The following KIAA0825 variants were observed in gnomAD, a reference collection of about 807,000 sequenced individuals.
The protein encoded by KIAA0825 is uncharacterized protein KIAA0825.
A neutral mutation model predicts 147.6 loss-of-function variants in KIAA0825; 119 were observed. The observed-to-expected ratio is 0.81, with a 90% confidence interval of 0.69 to 0.94. The LOEUF (loss-of-function observed/expected upper bound fraction) is 0.94, where lower values mean the gene tolerates loss of function less well. Among genes scored for constraint, KIAA0825 ranks in the 40% least tolerant of loss-of-function variants. The pLI is 0.00. For synonymous variants in KIAA0825, 470 were observed against 518.1 expected (o/e 0.91, Z 1.26); for missense variants, 1,381 against 1,472.7 (o/e 0.94, Z 1.02).
chr5:94,361,120 T>C (rs986582515), intron 20 of KIAA0825, among the ~76,000 whole-genome samples: 5 of 152,194 alleles, frequency 3.3e-5, no homozygotes, highest in Non-Finnish European at 7.3e-5. Context: ...CAAATATAAT[T>C]AAAATAACTC....
chr5:94,592,678 C>T (rs932711770), intron 1 of KIAA0825: 7 of 268,724 alleles, frequency 2.6e-5, no homozygotes, highest in Admixed American at 1.5e-4. Flanking sequence ...GCAAAATACA[C>T]GAAGGAAAAA....
At chr5:94,260,446 T>G (rs1436788151) in intron 20 of KIAA0825, among the ~76,000 whole-genome samples, 2 of 152,168 alleles carry the variant, frequency 1.3e-5, no homozygotes, top group Non-Finnish European at 1.5e-5. Context: ...AGAACAGTCT[T>G]ATATAAAATC....
chr5:94,386,818 C>T (rs7724491), intron 18 of KIAA0825, among the ~76,000 whole-genome samples: 66 of 152,286 alleles, frequency 4.3e-4, no homozygotes, highest in African/African-American at 1.4e-3. Flanking sequence ...CTACTCCTGG[C>T]TCAGCAGAGC....
chr5:94,191,837 C>T (rs990257857), intron 20 of KIAA0825, among the ~76,000 whole-genome samples: 1 of 152,182 alleles, frequency 6.6e-6, no homozygotes, highest in Non-Finnish European at 1.5e-5. Context: ...TTACCTCCAC[C>T]CCCACTGGGG....
chr5:94,559,276 G>A (rs1777130688), intron 2 of KIAA0825, among the ~76,000 whole-genome samples: 1 of 151,966 alleles, frequency 6.6e-6, no homozygotes, highest in African/African-American at 2.4e-5. Context: ...ATATTGTTTT[G>A]GAAAATGTTG....
At chr5:94,547,467 G>A (rs1584852297) in intron 2 of KIAA0825, among the ~76,000 whole-genome samples, 1 of 152,274 alleles carries the variant, frequency 6.6e-6, no homozygotes, top group East Asian at 1.9e-4. Flanking sequence ...GCTGGGCGCA[G>A]TAGCTCATGC....
chr5:94,550,224 A>G (rs1030861103), intron 2 of KIAA0825, among the ~76,000 whole-genome samples: 2 of 152,180 alleles, frequency 1.3e-5, no homozygotes, highest in Non-Finnish European at 2.9e-5. Context: ...CAGCTGGGAA[A>G]CCAATCTGTG....
At chr5:94,210,625 A>G (rs1209959463) in intron 20 of KIAA0825, among the ~76,000 whole-genome samples, 1 of 152,216 alleles carries the variant, frequency 6.6e-6, no homozygotes, top group Non-Finnish European at 1.5e-5. Flanking sequence ...TAAGAAGTAG[A>G]AGGTTACACC....
chr5:94,197,714 C>T (rs1771267665), intron 20 of KIAA0825, among the ~76,000 whole-genome samples: 1 of 152,152 alleles, frequency 6.6e-6, no homozygotes, highest in Admixed American at 6.5e-5. Context: ...ATCCCAGCAC[C>T]ACTTACTGAA....
intron 2 of KIAA0825, among the ~76,000 whole-genome samples, chr5:94,541,723 T>G (rs557461062): frequency 1.6e-4 from 24 of 152,360 alleles, no homozygotes; most frequent in Admixed American, 7.8e-4. Flanking sequence ...ATGGTCAAAC[T>G]GATTAAGATT....
intron 20 of KIAA0825, among the ~76,000 whole-genome samples, chr5:94,369,824 A>G (rs1267555015): frequency 3.3e-5 from 5 of 152,188 alleles, no homozygotes; most frequent in Non-Finnish European, 7.3e-5. Context: ...TAGGGGAAAA[A>G]GAATCAGTCT....
intron 6 of KIAA0825, among the ~76,000 whole-genome samples, chr5:94,484,337 G>C (rs574498648): frequency 1.3e-5 from 2 of 151,642 alleles, no homozygotes; most frequent in East Asian, 1.9e-4. Flanking sequence ...AGAAAACAAA[G>C]AGAAAATTAA....
intron 20 of KIAA0825, among the ~76,000 whole-genome samples, chr5:94,167,432 G>T (rs1768151464): frequency 6.6e-6 from 1 of 152,082 alleles, no homozygotes; most frequent in Non-Finnish European, 1.5e-5. Context: ...TAGTTAAATA[G>T]CAGGGGTTTT....
intron 20 of KIAA0825, among the ~76,000 whole-genome samples, chr5:94,261,357 T>TG (rs1183073238): frequency 6.6e-6 from 1 of 152,040 alleles, no homozygotes. Context: ...TAAAATAACG[T>TG]GTAATCTTTC....
chr5:94,541,892 T>C (rs375879567), intron 2 of KIAA0825, among the ~76,000 whole-genome samples: 3 of 152,226 alleles, frequency 2.0e-5, no homozygotes, highest in African/African-American at 7.2e-5. Context: ...TTTGTATAAA[T>C]ATGTTATTGG....
chr5:94,279,067 TGTAAA>T (rs1227435295), intron 20 of KIAA0825, among the ~76,000 whole-genome samples: 1 of 152,092 alleles, frequency 6.6e-6, no homozygotes, highest in Non-Finnish European at 1.5e-5. Context: ...AGGCAGGTGT[TGTAAA>T]GCACCTATAT....
rs140592318 is a variant in KIAA0825, at chr5:94,178,886, C to T, written c.3711-24762G>A. On this transcript the variant is annotated intron_variant, in intron 20 of 20. Coordinates refer to ENST00000682413, the MANE Select transcript of KIAA0825 (RefSeq NM_001145678.3). Reference sequence around the variant, plus strand: ...TTATAAGAGCTTTATTCACAATAACCAGAAATTGTAGACAATCCAGATATC... The same window carrying T: ...TTATAAGAGCTTTATTCACAATAACTAGAAATTGTAGACAATCCAGATATC... Among the ~76,000 whole-genome samples, 237 of 152,082 alleles carry T rather than the reference C, an allele frequency of 1.6e-3. 1 individual carries two copies. Among genetic ancestry groups the T allele is most frequent in the African/African-American group, 5.4e-3 (224 of 41,508 alleles).
chr5:94,291,676 G>T (rs1056503251), intron 20 of KIAA0825, among the ~76,000 whole-genome samples: 1 of 152,086 alleles, frequency 6.6e-6, no homozygotes, highest in Non-Finnish European at 1.5e-5. Flanking sequence ...GATGGGGGTA[G>T]CATTGAATCT....
chr5:94,536,968 C>A (rs1333913106), intron 3 of KIAA0825, 28 bp downstream of exon 3: 1 of 1,514,020 alleles, frequency 6.6e-7, no homozygotes, highest in Non-Finnish European at 9.1e-7. Flanking sequence ...GTGAAAACAA[C>A]TTGTTTTAAA....
Sources: allele counts gnomAD v4.1 joint callset (sites outside exome capture counted in the v4.1 genomes callset), GRCh38; gene constraint gnomAD v4.1.1; transcripts MANE v1.5; gene names NCBI Gene and HGNC (gene_info 2026-07-23, HGNC 2026-07-21).